CNTN5: variants seen among roughly 807,000 people sequenced by gnomAD.
CNTN5 encodes contactin 5.
CNTN5 carries 77 observed loss-of-function variants against 129.1 expected under a neutral mutation model. The observed-to-expected ratio is 0.60, with a 90% CI of 0.50 to 0.72. The LOEUF is 0.72. Ranked by LOEUF, CNTN5 falls within the 30% of genes least tolerant of loss-of-function variation. The pLI, the probability that CNTN5 is intolerant of heterozygous loss-of-function variation, is 0.00. For synonymous variants in CNTN5, 509 were observed against 465.6 expected, an observed-to-expected ratio of 1.09 and a Z score of -1.20; for missense variants, 1,478 against 1,328.8, an observed-to-expected ratio of 1.11 and a Z score of -1.75.
chr11:99,323,690 A>G (rs762075785), intron 1 of CNTN5, among the ~76,000 whole-genome samples: 1 of 152,128 alleles, frequency 6.6e-6, no homozygotes, highest in African/African-American at 2.4e-5. Context: ...ATCCAAGATG[A>G]AAAAAACATA....
intron 1 of CNTN5, among the ~76,000 whole-genome samples, chr11:99,024,436 A>G (rs554209686): frequency 2.6e-5 from 4 of 152,236 alleles, no homozygotes; most frequent in African/African-American, 9.6e-5. Context: ...CTGGTTTTAC[A>G]ATGGATTTCT....
intron 1 of CNTN5, among the ~76,000 whole-genome samples, chr11:99,136,971 T>A (rs904026304): frequency 8.5e-5 from 13 of 152,106 alleles, no homozygotes; most frequent in Non-Finnish European, 1.5e-4. Context: ...GCTGAAAAAA[T>A]ATTCAAATTT....
chr11:100,115,548 G>A (rs756907606), intron 13 of CNTN5, among the ~76,000 whole-genome samples: 15 of 151,986 alleles, frequency 9.9e-5, no homozygotes, highest in Admixed American at 2.6e-4. Flanking sequence ...ACATGAACAC[G>A]CCAGCAGAAT....
chr11:100,299,206 T>G lies in CNTN5; in HGVS notation c.2430T>G (p.Ile810Met), dbSNP rs199944027. ...EFQNGEGFGY[I>M]VAFRPNGTRG... ...AGAATGGGGAAGGCTTCGGCTATATTGTGGCTTTCAGACCCAATGGAACAC... is the reference window on the plus strand; with the variant it reads ...AGAATGGGGAAGGCTTCGGCTATATGGTGGCTTTCAGACCCAATGGAACAC... Residue 810 changes from isoleucine (I) to methionine (M), a missense_variant, in exon 20 of 25, where the codon ATT becomes ATG. Coordinates refer to ENST00000524871, the MANE Select transcript of CNTN5 (RefSeq NM_014361.4). The G allele has an allele frequency of 1.2e-6, 2 of 1,609,844 alleles. No individual in the cohort carries two copies. Among genetic ancestry groups the G allele is most frequent in the Non-Finnish European group, 1.7e-6 (2 of 1,177,290 alleles).
chr11:99,922,864 G>T (rs922376792), intron 7 of CNTN5, among the ~76,000 whole-genome samples: 2 of 152,172 alleles, frequency 1.3e-5, no homozygotes, highest in African/African-American at 2.4e-5. Flanking sequence ...GATTCTAACA[G>T]TTGAGTTTTG....
At chr11:99,392,133 G>C (rs1941292855) in intron 2 of CNTN5, among the ~76,000 whole-genome samples, 1 of 151,600 alleles carries the variant, frequency 6.6e-6, no homozygotes, top group African/African-American at 2.4e-5. Context: ...AAAGATATTT[G>C]CGTGACTATT....
At chr11:100,292,920 G>C (rs1450368049) in intron 18 of CNTN5, among the ~76,000 whole-genome samples, 1 of 151,848 alleles carries the variant, frequency 6.6e-6, no homozygotes, top group East Asian at 1.9e-4. Flanking sequence ...ATTACCTTCT[G>C]ACACCTACAA....
intron 18 of CNTN5, among the ~76,000 whole-genome samples, chr11:100,272,577 C>T (rs1231492201): frequency 1.3e-5 from 2 of 151,928 alleles, no homozygotes; most frequent in Non-Finnish European, 2.9e-5. Flanking sequence ...AGACTCAAGA[C>T]AAATGGAACA....
rs995571275 is a variant in CNTN5 at position 99,159,608 on chromosome 11, C to T, written c.-210+138338C>T. 2.5e-4 allele frequency among the ~76,000 whole-genome samples: 38 copies of T among 151,980 alleles called. 1 individual carries two copies. Among genetic ancestry groups the T allele is most frequent in the African/African-American group, 8.9e-4 (37 of 41,450 alleles). ...CTGCACTCCAGCCTGGGCAACAGAG[C>T]GAGACTCTGTCTCAAAAGATAAATA... On this transcript the variant is annotated intron_variant, in intron 1 of 24. Transcript: ENST00000524871.
chr11:99,164,839 CAT>C (rs1860799838), intron 1 of CNTN5, among the ~76,000 whole-genome samples: 1 of 152,014 alleles, frequency 6.6e-6, no homozygotes, highest in African/African-American at 2.4e-5. Flanking sequence ...GTTTGGTACA[CAT>C]GTTGTGTATT....
intron 2 of CNTN5, among the ~76,000 whole-genome samples, chr11:99,442,179 TA>T (rs1344676252): frequency 1.3e-5 from 2 of 152,038 alleles, no homozygotes; most frequent in African/African-American, 4.8e-5. Context: ...GGGCTATATA[TA>T]TTTTTTTTTT....
intron 1 of CNTN5, among the ~76,000 whole-genome samples, chr11:99,210,125 T>C (rs1859691800): frequency 6.6e-6 from 1 of 152,196 alleles, no homozygotes. Flanking sequence ...CAATTATCTA[T>C]ATTATTGAGC....
intron 9 of CNTN5, among the ~76,000 whole-genome samples, chr11:100,042,367 C>T (rs1021362224): frequency 1.3e-5 from 2 of 151,878 alleles, no homozygotes; most frequent in Non-Finnish European, 2.9e-5. Context: ...CAAAGATATA[C>T]AATGTTTCCT....
intron 6 of CNTN5, among the ~76,000 whole-genome samples, chr11:99,850,028 T>C (rs1357665776): frequency 1.3e-5 from 2 of 152,132 alleles, no homozygotes; most frequent in Admixed American, 1.3e-4. Flanking sequence ...TTAATATTAG[T>C]AATGAAAATA....
At chr11:100,259,509 A>G (rs1950152874) in intron 17 of CNTN5, among the ~76,000 whole-genome samples, 1 of 152,200 alleles carries the variant, frequency 6.6e-6, no homozygotes, top group African/African-American at 2.4e-5. Context: ...TCAGCATCAC[A>G]TCACACTTAT....
At chr11:99,360,820 A>G (rs1057479985) in intron 2 of CNTN5, among the ~76,000 whole-genome samples, 1 of 152,180 alleles carries the variant, frequency 6.6e-6, no homozygotes. Context: ...ATTCTTCACA[A>G]TATAGCCAGG....
At chr11:100,330,498 A>C (rs1951883702) in intron 21 of CNTN5, among the ~76,000 whole-genome samples, 1 of 149,934 alleles carries the variant, frequency 6.7e-6, no homozygotes, top group Non-Finnish European at 1.5e-5. Flanking sequence ...AATTCATCAC[A>C]AAAAGATCAT....
intron 1 of CNTN5, among the ~76,000 whole-genome samples, chr11:99,024,658 A>G (rs151280391): frequency 1.3e-4 from 20 of 152,140 alleles, no homozygotes; most frequent in African/African-American, 3.9e-4. Flanking sequence ...ACCCTCCTCA[A>G]ACATAAGCTC....
At chr11:100,183,623 G>A (rs1197029331) in intron 13 of CNTN5, among the ~76,000 whole-genome samples, 3 of 152,126 alleles carry the variant, frequency 2.0e-5, no homozygotes, top group African/African-American at 7.2e-5. Context: ...GATGGGGTTA[G>A]AAGGGGCTGG....
Sources: allele counts gnomAD v4.1 joint callset (sites outside exome capture counted in the v4.1 genomes callset), GRCh38; gene constraint gnomAD v4.1.1; transcripts MANE v1.5; gene names NCBI Gene and HGNC (gene_info 2026-07-23, HGNC 2026-07-21).